The following GAREM1 variants were observed in gnomAD, a reference collection of about 807,000 sequenced individuals.
GAREM1 encodes GRB2-associated and regulator of MAPK protein 1.
A neutral mutation model predicts 71.3 loss-of-function variants in GAREM1; 26 were observed. The observed-to-expected ratio is 0.36, with a 90% CI of 0.27 to 0.51. The LOEUF (loss-of-function observed/expected upper bound fraction) is 0.51. Ranked by LOEUF, GAREM1 falls within the 20% of genes least tolerant of loss-of-function variation. The pLI, the probability that GAREM1 is intolerant of heterozygous loss-of-function variation, is 0.95. For synonymous variants in GAREM1, 440 were observed against 433.2 expected (o/e 1.02, Z -0.20); for missense variants, 1,026 against 1,103.1 (o/e 0.93, Z 0.99).
chr18:32,440,656 T>C (rs1403507822), intron 1 of GAREM1, among the ~76,000 whole-genome samples: 1 of 152,240 alleles, frequency 6.6e-6, no homozygotes. Flanking sequence ...TGTATCCTCA[T>C]TGCCTGTGCA....
intron 1 of GAREM1, among the ~76,000 whole-genome samples, chr18:32,464,625 G>C (rs1021962987): frequency 1.3e-5 from 2 of 152,148 alleles, no homozygotes; most frequent in African/African-American, 4.8e-5. Context: ...CGGATTACCA[G>C]ATCAATAACC....
At chr18:32,468,953 C>T (rs2049023430) in intron 1 of GAREM1, among the ~76,000 whole-genome samples, 2 of 107,550 alleles carry the variant, frequency 1.9e-5, no homozygotes, top group Admixed American at 1.9e-4. Context: ...AACACACCAC[C>T]TGTGCGTCCC....
intron 1 of GAREM1, among the ~76,000 whole-genome samples, chr18:32,413,652 G>A (rs1198305925): frequency 1.3e-5 from 2 of 151,994 alleles, no homozygotes; most frequent in Non-Finnish European, 2.9e-5. Flanking sequence ...GGTCTATAAA[G>A]ATATAATAGG....
At chr18:32,272,780 C>T (rs1189999209) in intron 4 of GAREM1, among the ~76,000 whole-genome samples, 1 of 152,222 alleles carries the variant, frequency 6.6e-6, no homozygotes, top group Non-Finnish European at 1.5e-5. Context: ...TGCGCCACCA[C>T]ACCCAGCTAA....
intron 1 of GAREM1, among the ~76,000 whole-genome samples, chr18:32,433,124 C>T (rs533767333): frequency 1.8e-4 from 28 of 151,538 alleles, no homozygotes; most frequent in African/African-American, 6.5e-4. Flanking sequence ...AATTGAAAAT[C>T]GGTTAATTTA....
chr18:32,290,027 A>G (rs546366599), intron 3 of GAREM1, among the ~76,000 whole-genome samples: 1 of 151,966 alleles, frequency 6.6e-6, no homozygotes, highest in East Asian at 1.9e-4. Flanking sequence ...TGTTGAGTGC[A>G]CTTCCTAAAG....
chr18:32,430,011 C>A (rs2048608897), intron 1 of GAREM1, among the ~76,000 whole-genome samples: 1 of 152,114 alleles, frequency 6.6e-6, no homozygotes. Context: ...CATGATATAA[C>A]AATTTGGTTT....
chr18:32,364,007 TATATATA>T (rs1567980571), intron 2 of GAREM1, among the ~76,000 whole-genome samples: 15 of 48,004 alleles, frequency 3.1e-4, no homozygotes, highest in African/African-American at 1.4e-3. Flanking sequence ...TATATATATA[TATATATA>T]TATATATATA....
chr18:32,292,270 T>C (rs1411451221), intron 3 of GAREM1, among the ~76,000 whole-genome samples: 1 of 152,202 alleles, frequency 6.6e-6, no homozygotes, highest in African/African-American at 2.4e-5. Context: ...TTCATATGTT[T>C]GTTGGCTGCA....
At chr18:32,452,275 A>G (rs1325722190) in intron 1 of GAREM1, among the ~76,000 whole-genome samples, 1 of 152,172 alleles carries the variant, frequency 6.6e-6, no homozygotes, top group Non-Finnish European at 1.5e-5. Context: ...TTCTGTTGTA[A>G]CACCATCTGT....
chr18:32,459,828 AGAATCAATCATG>A (rs1383314664), intron 1 of GAREM1, among the ~76,000 whole-genome samples: 2 of 152,192 alleles, frequency 1.3e-5, no homozygotes, highest in African/African-American at 2.4e-5. Flanking sequence ...ATCCAAAATG[AGAATCAATCATG>A]GAATATAGCA....
chr18:32,411,485 A>G (rs2048415706), intron 1 of GAREM1, among the ~76,000 whole-genome samples: 1 of 152,194 alleles, frequency 6.6e-6, no homozygotes, highest in Non-Finnish European at 1.5e-5. Flanking sequence ...TTCTTCAGAA[A>G]AATATTTCTT....
intron 2 of GAREM1, among the ~76,000 whole-genome samples, chr18:32,378,021 TGTG>T (rs2048051363): frequency 6.9e-6 from 1 of 144,078 alleles, no homozygotes; most frequent in Non-Finnish European, 1.5e-5. Flanking sequence ...ACTGTGTGTG[TGTG>T]TGTGTGTGTG....
rs746560716 is a variant in GAREM1, at chr18:32,470,368, C to G, written c.61G>C (p.Val21Leu). 8.3e-6 allele frequency: 13 copies of G among 1,559,460 alleles called. No individual in the cohort carries two copies. The highest frequency in any genetic ancestry group is 1.0e-5 in the Non-Finnish European group (12 of 1,154,022). Reference protein sequence around the residue: ...LKDVKWSSVAVPLDLLVSTYR... With the variant: ...LKDVKWSSVALPLDLLVSTYR... ...GTGCTGACCAGGAGGTCGAGCGGCA[C>G]GGCCACCGAGCTCCACTTCACATCC... Residue 21 changes from valine to leucine, a missense_variant, in exon 1 of 6, where the codon GTG becomes CTG. Around this residue, in one of 3 missense-constraint regions of GAREM1, gnomAD observed 172 missense variants for 175.2 expected, o/e 0.98. Coordinates refer to ENST00000269209, the MANE Select transcript of GAREM1 (RefSeq NM_001242409.2). The surrounding 1 kb of genome is among the most constrained non-coding windows in gnomAD (Gnocchi z 4.4).
intron 1 of GAREM1, among the ~76,000 whole-genome samples, chr18:32,415,171 A>G (rs1368139658): frequency 6.6e-6 from 1 of 152,052 alleles, no homozygotes; most frequent in Admixed American, 6.6e-5. Flanking sequence ...AATCAAAACA[A>G]GAACAGACTA....
At chr18:32,344,965 GGGA>G (rs2047680260) in intron 2 of GAREM1, among the ~76,000 whole-genome samples, 1 of 152,178 alleles carries the variant, frequency 6.6e-6, no homozygotes, top group African/African-American at 2.4e-5. Flanking sequence ...AGGAAGCTGA[GGGA>G]GGAGAATTGC....
At position 32,364,007 on chromosome 18, in the gene GAREM1, TA is replaced by T. The variant is rs1567980557; in HGVS notation, c.262+28887del. Among the ~76,000 whole-genome samples the T allele has an allele frequency of 1.6e-3, 76 of 48,000 alleles. 3 individuals carry two copies. The highest frequency in any genetic ancestry group is 6.9e-3 in the African/African-American group (68 of 9,884). The allele number at this position is 48,000 out of a possible 152,430, so 31.5% of individuals were successfully genotyped here. ...AAATACATATATACATATATATATA[TA>T]TATATATATATATATATATGTTTTT... is the stretch of plus-strand genomic sequence containing the variant. On this transcript the variant is annotated intron_variant, in intron 2 of 5. Transcript: ENST00000269209.
intron 1 of GAREM1, among the ~76,000 whole-genome samples, chr18:32,414,862 G>A (rs1260561505): frequency 3.3e-5 from 5 of 151,992 alleles, no homozygotes; most frequent in Admixed American, 3.3e-4. Context: ...AAAAATCAGA[G>A]CAGAAATAAA....
At chr18:32,290,171 T>C (rs945171725) in intron 3 of GAREM1, 2 of 151,898 alleles carry the variant, frequency 1.3e-5, no homozygotes, top group Non-Finnish European at 2.9e-5. Context: ...TATATACCTA[T>C]ATTTGCATTT....
Sources: gnomAD v4.1 joint callset for allele counts (sites outside exome capture counted in the v4.1 genomes callset) on GRCh38, gnomAD v4.1.1 for gene constraint, gnomAD v4.1.1 regional missense constraint, Gnocchi (gnomAD v3.1) non-coding constraint, MANE v1.5 for transcripts, NCBI Gene and HGNC (gene_info 2026-07-23, HGNC 2026-07-21) for gene names.